The following SMIM19 variants were observed in gnomAD, a reference collection of about 807,000 sequenced individuals.
The protein encoded by SMIM19 is UPF0697 protein C8orf40.
A neutral mutation model predicts 13.2 loss-of-function variants in SMIM19; 6 were observed. That is an observed-to-expected ratio of 0.45 (90% CI 0.25 to 0.90). The LOEUF (loss-of-function observed/expected upper bound fraction) is 0.90. Among genes scored for constraint, SMIM19 ranks in the 40% least tolerant of loss-of-function variants. The probability of loss-of-function intolerance (pLI) is 0.19; values close to 1 mark genes in which losing one functional copy is unlikely to be tolerated. For missense variants in SMIM19, 138 were observed against 131.0 expected, an observed-to-expected ratio of 1.05 and a Z score of -0.26; for synonymous variants, 46 against 43.1, an observed-to-expected ratio of 1.07 and a Z score of -0.27.
intron 3 of SMIM19, among the ~76,000 whole-genome samples, chr8:42,552,017 GAATAAT>G (rs575897518): frequency 6.6e-6 from 1 of 152,098 alleles, no homozygotes; most frequent in Non-Finnish European, 1.5e-5. Context: ...CCTGATACAT[GAATAAT>G]AATAATAAAC....
chr8:42,546,468 GCCC>G lies in SMIM19; in HGVS notation c.-3_-1del, dbSNP rs769378983. On this transcript the variant is annotated splice_region_variant and 5_prime_UTR_variant, in exon 2 of 4. Coordinates refer to ENST00000417410, the MANE Select transcript of SMIM19 (RefSeq NM_001135674.2). ...ACCCTGCTTTCTTTTCTCTCTTACA[GCCC>G]CATGGCTGGGGGTTATGGAGTGATG... 59 of 1,603,294 alleles carry G rather than the reference GCCC, an allele frequency of 3.7e-5. No individual in the cohort carries two copies. The highest frequency in any genetic ancestry group is 5.0e-5 in the Non-Finnish European group (59 of 1,177,358).
intron 1 of SMIM19, among the ~76,000 whole-genome samples, chr8:42,544,595 C>A (rs1478572341): frequency 2.0e-5 from 3 of 150,390 alleles, no homozygotes; most frequent in Middle Eastern, 3.2e-3. Context: ...GGCTAATTTT[C>A]ACGAGACAAA....
chr8:42,541,518 G>GAA (rs34936218), upstream of SMIM19: 2,577 of 125,744 alleles, frequency 0.02, 34 homozygotes, highest in Non-Finnish European at 0.032. Flanking sequence ...AAGGGGAAAG[G>GAA]AAAAAAAAAA....
intron 1 of SMIM19, 170 bp from the exon 2 acceptor site, chr8:42,546,299 C>A: frequency 1.5e-6 from 1 of 655,268 alleles, no homozygotes; most frequent in Non-Finnish European, 2.3e-6. Context: ...CCAACTGCAC[C>A]ATTTAAAATG....
rs749199760 is a variant in SMIM19, at chr8:42,546,593, A to C, written c.121A>C (p.Met41Leu). ...IVILVSFGLF[M>L]YAKRNKRRIM... Reference sequence around the variant, plus strand: ...TATCCTTGTTAGCTTCGGTCTCTTCATGTATGCCAAAAGGTAAATTTTTGT... The same window carrying C: ...TATCCTTGTTAGCTTCGGTCTCTTCCTGTATGCCAAAAGGTAAATTTTTGT... Residue 41 changes from methionine to leucine, a missense_variant, in exon 2 of 4, where the codon ATG becomes CTG. Coordinates refer to ENST00000417410, the MANE Select transcript of SMIM19 (RefSeq NM_001135674.2). 7 of 1,609,184 alleles carry C rather than the reference A, an allele frequency of 4.4e-6. No individual in the cohort carries two copies. The Admixed American group carries it at 1.2e-4, about 28-fold the overall frequency.
At position 42,552,913 on chromosome 8, in the gene SMIM19, G is replaced by A; in HGVS notation, c.*305G>A. On this transcript the variant is annotated 3_prime_UTR_variant, in exon 4 of 4. Coordinates refer to ENST00000417410, the MANE Select transcript of SMIM19 (RefSeq NM_001135674.2). ...AAATAAAAACACATCTTGGGAAGTG[G>A]GAATCCTGGAGTTTATGCCATTTGC... is the stretch of plus-strand genomic sequence containing the variant. The A allele has an allele frequency of 3.4e-6, 1 of 293,670 alleles. No homozygotes were observed. Among genetic ancestry groups the A allele is most frequent in the Non-Finnish European group, 6.3e-6 (1 of 159,424 alleles). 18.2% of individuals were successfully genotyped at this position (293,670 alleles called of 1,614,324 possible).
At chr8:42,545,997 A>G (rs187742144) in intron 1 of SMIM19, among the ~76,000 whole-genome samples, 1 of 152,334 alleles carries the variant, frequency 6.6e-6, no homozygotes, top group East Asian at 1.9e-4. Flanking sequence ...AACAAAATCA[A>G]TATTGTGTAG....
At position 42,550,490 on chromosome 8, in the gene SMIM19, C is replaced by T. The variant is rs377202140; in HGVS notation, c.259+1710C>T. On this transcript the variant is annotated intron_variant, in intron 3 of 3. Coordinates refer to ENST00000417410, the MANE Select transcript of SMIM19 (RefSeq NM_001135674.2). ...AGGAAAATCCCTGTCTTTGCCTCCT[C>T]CAGCTTCTCAGGGCCATCCACACTC... Among the ~76,000 whole-genome samples the T allele has an allele frequency of 8.6e-4, 131 of 152,292 alleles. 1 individual carries two copies. The highest frequency in any genetic ancestry group is 3.0e-3 in the African/African-American group (125 of 41,556).
At chr8:42,550,464 A>G (rs1813637580) in intron 3 of SMIM19, among the ~76,000 whole-genome samples, 2 of 152,140 alleles carry the variant, frequency 1.3e-5, no homozygotes, top group South Asian at 4.1e-4. Context: ...TAGAGCCTCC[A>G]AGGAAAATCC....
rs775123010 is a variant in SMIM19 at position 42,546,514 on chromosome 8, T to C, written c.42T>C (p.Ile14=). The change falls in exon 2 of 4, where the codon ATT becomes ATC. Residue 14 remains isoleucine (I), a synonymous_variant. Transcript: ENST00000417410. The part of the protein sequence containing the change: ...GYGVMGDDGS[I]DYTVHEAWNE... ...GAGTGATGGGTGACGATGGTTCTAT[T>C]GATTATACTGTTCACGAAGCCTGGA... is the stretch of plus-strand genomic sequence containing the variant. The C allele has an allele frequency of 6.2e-7, 1 of 1,613,930 alleles. No individual in the cohort carries two copies. The highest frequency in any genetic ancestry group is 2.2e-5 in the East Asian group (1 of 44,874).
chr8:42,552,590 G>A lies in SMIM19; in HGVS notation c.306G>A (p.Val102=). The change falls in exon 4 of 4, where the codon GTG becomes GTA. Residue 102 remains valine, a synonymous_variant. Transcript: ENST00000417410. ...AGCCACAAAACCAAGCTGACAGTGT[G>A]CAACTCTCATTGGAATGAAACCTCA... ...YQQPQNQADS[V]QLSLE is the part of the protein sequence containing the mutation. 6.2e-7 allele frequency: 1 copy of A among 1,614,108 alleles called. No homozygotes were observed. Among genetic ancestry groups the A allele is most frequent in the Non-Finnish European group, 8.5e-7 (1 of 1,179,992 alleles).
Position 42,542,264 on chromosome 8 carries a change from T to C in SMIM19, c.-114T>C, listed in dbSNP as rs1451889589. The C allele has an allele frequency of 5.8e-6, 1 of 173,862 alleles. No homozygotes were observed. Among genetic ancestry groups the C allele is most frequent in the Non-Finnish European group, 1.1e-5 (1 of 87,848 alleles). 10.8% of individuals were successfully genotyped at this position (173,862 alleles called of 1,614,324 possible). A position where few individuals can be genotyped will look rare whatever the true frequency, so the allele number is the denominator to read the frequency against. ...CACCCCAGTTTCTTCTCCTGTAAAA[T>C]GGAGCTTTAGTGCCGCCCAGCAGGG... On this transcript the variant is annotated 5_prime_UTR_variant, in exon 1 of 4. It removes an upstream start codon present in the reference 5' UTR. Coordinates refer to ENST00000417410, the MANE Select transcript of SMIM19 (RefSeq NM_001135674.2).
At chr8:42,548,387 T>C in intron 2 of SMIM19, 1 of 512,698 alleles carries the variant, frequency 2.0e-6, no homozygotes, top group Non-Finnish European at 3.8e-6. Context: ...TATTTGGCTT[T>C]TGGAGGATTG....
At chr8:42,549,805 A>C (rs555121231) in intron 3 of SMIM19, among the ~76,000 whole-genome samples, 12 of 152,254 alleles carry the variant, frequency 7.9e-5, no homozygotes, top group Admixed American at 5.9e-4. Context: ...AAAAAAGTAC[A>C]GAGCCTTGGG....
At chr8:42,551,292 T>G (rs1166918138) in intron 3 of SMIM19, among the ~76,000 whole-genome samples, 1 of 139,766 alleles carries the variant, frequency 7.2e-6, no homozygotes, top group Non-Finnish European at 1.5e-5. Context: ...CACTCTAGCC[T>G]GGGCGACAGA....
chr8:42,546,508 T>G lies in SMIM19; in HGVS notation c.36T>G (p.Gly12=). The part of the protein sequence containing the change: ...AGGYGVMGDD[G]SIDYTVHEAW... ...GTTATGGAGTGATGGGTGACGATGG[T>G]TCTATTGATTATACTGTTCACGAAG... The change falls in exon 2 of 4, where the codon GGT becomes GGG. Residue 12 remains glycine (G), a synonymous_variant. Transcript: ENST00000417410. 6.2e-7 allele frequency: 1 copy of G among 1,613,906 alleles called. No homozygotes were observed. The highest frequency in any genetic ancestry group is 8.5e-7 in the Non-Finnish European group (1 of 1,179,950).
At chr8:42,546,286 G>A (rs1171190145) in intron 1 of SMIM19, 183 bp from the exon 2 acceptor site, 2 of 565,744 alleles carry the variant, frequency 3.5e-6, no homozygotes, top group Non-Finnish European at 5.6e-6. Flanking sequence ...CAGATAGAGA[G>A]GGCCAACTGC....
At chr8:42,544,952 T>A (rs1223293119) in intron 1 of SMIM19, among the ~76,000 whole-genome samples, 5 of 152,244 alleles carry the variant, frequency 3.3e-5, no homozygotes, top group Non-Finnish European at 1.5e-5. Flanking sequence ...AAAGAATTTT[T>A]GTAATGCCTT....
At chr8:42,550,305 G>C (rs888202289) in intron 3 of SMIM19, among the ~76,000 whole-genome samples, 2 of 152,104 alleles carry the variant, frequency 1.3e-5, no homozygotes, top group South Asian at 4.1e-4. Flanking sequence ...TTTGCAAGGT[G>C]TATCAGTTTT....
Sources: gnomAD v4.1 joint callset for allele counts (sites outside exome capture counted in the v4.1 genomes callset) on GRCh38, gnomAD v4.1.1 for gene constraint, MANE v1.5 for transcripts, NCBI Gene and HGNC (gene_info 2026-07-23, HGNC 2026-07-21) for gene names.